DYSF: variants seen among roughly 807,000 people sequenced by gnomAD.
DYSF encodes dystrophy-associated fer-1-like 1.
A neutral mutation model predicts 274.9 loss-of-function variants in DYSF; 212 were observed. The ratio of observed to expected loss-of-function variants is 0.77; its 90% CI spans 0.69 to 0.86. The LOEUF is 0.86. Among genes scored for constraint, DYSF ranks in the 40% least tolerant of loss-of-function variants. DYSF has a pLI of 0.00. For synonymous variants in DYSF, 1,091 were observed against 1,078.7 expected (o/e 1.01, Z -0.22); for missense variants, 2,666 against 2,783.2 (o/e 0.96, Z 0.95).
intron 3 of DYSF, among the ~76,000 whole-genome samples, chr2:71,485,675 A>G (rs1016867986): frequency 1.3e-5 from 2 of 152,230 alleles, no homozygotes; most frequent in Non-Finnish European, 2.9e-5. Flanking sequence ...GATGTGAGAA[A>G]ACAACCAAAG....
rs79768481 is a variant in DYSF at position 71,563,837 on chromosome 2, C to A, written c.2410-221C>A. Among the ~76,000 whole-genome samples, 42 of 152,348 alleles carry A rather than the reference C, an allele frequency of 2.8e-4. 1 individual carries two copies. The East Asian group carries it at 7.1e-3, about 26-fold the overall frequency. On this transcript the variant is annotated intron_variant, in intron 23 of 55. Transcript: ENST00000410020. The stretch of plus-strand genomic sequence containing the variant: ...GTGGGCTTCTCATGTGAGCTGGGGG[C>A]AGCCTTATGCTCTGTTCTCTGGGGG...
At chr2:71,543,831 C>T (rs548589889) in intron 17 of DYSF, among the ~76,000 whole-genome samples, 44 of 151,452 alleles carry the variant, frequency 2.9e-4, no homozygotes, top group African/African-American at 5.1e-4. Flanking sequence ...AGCTTCGGCT[C>T]GGCATCAGAG....
chr2:71,675,625 G>A (rs554570149), intron 52 of DYSF, among the ~76,000 whole-genome samples: 21 of 152,264 alleles, frequency 1.4e-4, no homozygotes, highest in African/African-American at 3.4e-4. Flanking sequence ...TGCAAAAAGC[G>A]TGGCACCAAG....
At chr2:71,675,842 T>C (rs987558454) in intron 52 of DYSF, among the ~76,000 whole-genome samples, 1 of 152,066 alleles carries the variant, frequency 6.6e-6, no homozygotes, top group African/African-American at 2.4e-5. Context: ...TATATATGTA[T>C]TTATATATAC....
intron 32 of DYSF, 25 bp downstream of exon 32, chr2:71,590,313 T>C (rs1574210128): frequency 6.2e-7 from 1 of 1,612,624 alleles, no homozygotes; most frequent in Non-Finnish European, 8.5e-7. Context: ...GGCAGGAGAG[T>C]CAGAGACTGT....
At chr2:71,502,018 G>T (rs750518887) in intron 3 of DYSF, among the ~76,000 whole-genome samples, 1 of 151,784 alleles carries the variant, frequency 6.6e-6, no homozygotes, top group Non-Finnish European at 1.5e-5. Flanking sequence ...TACACACCAT[G>T]CACAAGCATT....
At chr2:71,456,760 G>T (rs1159873074) in intron 1 of DYSF, among the ~76,000 whole-genome samples, 1 of 152,172 alleles carries the variant, frequency 6.6e-6, no homozygotes, top group African/African-American at 2.4e-5. Flanking sequence ...AGGTCACATA[G>T]TGGCCACAGC....
At chr2:71,628,007 A>G (rs1383324100) in intron 41 of DYSF, among the ~76,000 whole-genome samples, 1 of 152,132 alleles carries the variant, frequency 6.6e-6, no homozygotes, top group Non-Finnish European at 1.5e-5. Context: ...CAGCAAATAG[A>G]TAGATTCTAT....
Position 71,569,856 on chromosome 2 carries a change from C to T in DYSF, c.2901C>T (p.Phe967=), listed in dbSNP as rs767589708. The change falls in exon 27 of 56, where the codon TTC becomes TTT. Residue 967 remains phenylalanine, a synonymous_variant. Transcript: ENST00000410020. The part of the protein sequence containing the change: ...LHDMDAGHLS[F]VEEVFENQTR... ...ACATGGACGCCGGTCACCTGAGCTT[C>T]GTGGAAGAGGTGTTTGAGAACCAGA... The T allele has an allele frequency of 1.2e-5, 20 of 1,614,040 alleles. No individual in the cohort carries two copies. The highest frequency in any genetic ancestry group is 5.0e-5 in the Admixed American group (3 of 60,004).
intron 32 of DYSF, among the ~76,000 whole-genome samples, chr2:71,591,864 G>A (rs938635591): frequency 3.9e-5 from 6 of 152,214 alleles, no homozygotes; most frequent in African/African-American, 9.6e-5. Context: ...AGCCAGGTGC[G>A]GGGTGGATGA....
chr2:71,570,949 AAGATCACACCCAGCATACACAC>A (rs1273689199), intron 29 of DYSF: 4 of 622,476 alleles, frequency 6.4e-6, no homozygotes, highest in African/African-American at 5.3e-5. Flanking sequence ...AGCATACCCA[AAGATCACACCCAGCATACACAC>A]AGATCACACC....
chr2:71,540,209 C>T (rs958790951), intron 17 of DYSF, among the ~76,000 whole-genome samples: 1 of 150,952 alleles, frequency 6.6e-6, no homozygotes, highest in Non-Finnish European at 1.5e-5. Context: ...CTCCCCAGTT[C>T]AAGCAATTCT....
At chr2:71,685,605 C>G (rs2152975608) in intron 55 of DYSF, among the ~76,000 whole-genome samples, 1 of 152,334 alleles carries the variant, frequency 6.6e-6, no homozygotes, top group African/African-American at 2.4e-5. Flanking sequence ...TCCAGTTGGC[C>G]TAATCCCCTA....
intron 47 of DYSF, among the ~76,000 whole-genome samples, chr2:71,666,096 A>C (rs2094999089): frequency 7.6e-6 from 1 of 130,798 alleles, no homozygotes; most frequent in Admixed American, 8.2e-5. Context: ...TGGCTGAGCC[A>C]GGCTCGGCCA....
At chr2:71,506,618 C>T (rs2085501941) in intron 4 of DYSF, among the ~76,000 whole-genome samples, 1 of 152,222 alleles carries the variant, frequency 6.6e-6, no homozygotes, top group African/African-American at 2.4e-5. Flanking sequence ...ACATATATCC[C>T]CCAGGAAGAA....
chr2:71,527,989 T>C (rs929753123), intron 13 of DYSF, among the ~76,000 whole-genome samples: 1 of 152,232 alleles, frequency 6.6e-6, no homozygotes, highest in Non-Finnish European at 1.5e-5. Flanking sequence ...TTCTGAGTAC[T>C]TACTGCCCTT....
intron 4 of DYSF, among the ~76,000 whole-genome samples, chr2:71,505,997 C>T (rs1427986152): frequency 6.6e-6 from 1 of 152,158 alleles, no homozygotes; most frequent in African/African-American, 2.4e-5. Flanking sequence ...GCCAACCAAC[C>T]CTGTATCAGC....
At chr2:71,679,270 T>TG in intron 53 of DYSF, 35 bp downstream of exon 53, 1 of 1,602,018 alleles carries the variant, frequency 6.2e-7, no homozygotes, top group South Asian at 1.1e-5. Context: ...GTGGAGGGCA[T>TG]GGGGGAAGCT....
At chr2:71,553,754 C>CCCCCCCCCCCCCCACAACAGGGG in intron 20 of DYSF, 53 bp from the exon 21 acceptor site, 1 of 538,758 alleles carries the variant, frequency 1.9e-6, no homozygotes, top group Non-Finnish European at 3.4e-6. Flanking sequence ...AGCACCCCAT[C>CCCCCCCCCCCCCCACAACAGGGG]CCACCCGCCC....
Sources: gnomAD v4.1 joint callset for allele counts (sites outside exome capture counted in the v4.1 genomes callset) on GRCh38, gnomAD v4.1.1 for gene constraint, MANE v1.5 for transcripts, NCBI Gene and HGNC (gene_info 2026-07-23, HGNC 2026-07-21) for gene names.